CSNK1G1: variants seen among roughly 807,000 people sequenced by gnomAD.
The protein encoded by CSNK1G1 is casein kinase 1 gamma 1, also known as casein kinase I isoform gamma-1.
In CSNK1G1, 22 loss-of-function variants were observed where a neutral mutation model predicts 59.6. That is an observed-to-expected ratio of 0.37 (90% confidence interval 0.26 to 0.53). The LOEUF (loss-of-function observed/expected upper bound fraction) is 0.53, where lower values mean the gene tolerates loss of function less well. Among genes scored for constraint, CSNK1G1 ranks in the 20% least tolerant of loss-of-function variants. The pLI is 0.89. For missense variants in CSNK1G1, 384 were observed against 519.5 expected (o/e 0.74, Z 2.54); for synonymous variants, 179 against 177.1 (o/e 1.01, Z -0.08).
chr15:64,179,620 G>T (rs2081785058), intron 11 of CSNK1G1, among the ~76,000 whole-genome samples: 1 of 152,096 alleles, frequency 6.6e-6, no homozygotes, highest in African/African-American at 2.4e-5. Context: ...ATTTGGGATG[G>T]GGAAAAAAGT....
intron 1 of CSNK1G1, among the ~76,000 whole-genome samples, chr15:64,323,051 T>G (rs997862317): frequency 1.3e-5 from 2 of 151,964 alleles, no homozygotes; most frequent in Non-Finnish European, 2.9e-5. Context: ...GCCCCCTGAG[T>G]ACCTAGGACT....
chr15:64,233,441 A>G (rs2082574620), intron 4 of CSNK1G1, among the ~76,000 whole-genome samples: 1 of 152,134 alleles, frequency 6.6e-6, no homozygotes, highest in African/African-American at 2.4e-5. Context: ...CAATTACTCT[A>G]TGTGGCTCAG....
intron 1 of CSNK1G1, chr15:64,348,390 TA>T (rs1397895970): frequency 6.6e-6 from 1 of 152,106 alleles, no homozygotes; most frequent in East Asian, 1.9e-4. Flanking sequence ...ATGTTAATAA[TA>T]GGGGAAACTG....
At chr15:64,196,778 A>G (rs1184194909) in intron 10 of CSNK1G1, among the ~76,000 whole-genome samples, 2 of 151,190 alleles carry the variant, frequency 1.3e-5, no homozygotes. Context: ...TTGCTGCAAA[A>G]GACTGCTCTG....
At chr15:64,330,407 A>G (rs866117104) in intron 1 of CSNK1G1, among the ~76,000 whole-genome samples, 5 of 151,604 alleles carry the variant, frequency 3.3e-5, no homozygotes, top group Non-Finnish European at 4.4e-5. Flanking sequence ...GCATATAAAC[A>G]GAGCCAAAGA....
chr15:64,252,433 T>C (rs2140320044), intron 3 of CSNK1G1, among the ~76,000 whole-genome samples: 1 of 152,140 alleles, frequency 6.6e-6, no homozygotes, highest in South Asian at 2.1e-4. Flanking sequence ...TGGTCCCAAA[T>C]TCCTGGGCTC....
At chr15:64,212,426 A>T (rs1011352515) in intron 6 of CSNK1G1, among the ~76,000 whole-genome samples, 5 of 152,186 alleles carry the variant, frequency 3.3e-5, no homozygotes, top group Non-Finnish European at 7.3e-5. Flanking sequence ...ATACTTATTA[A>T]TGTGCAGGCC....
chr15:64,323,693 A>C (rs1896688337), intron 1 of CSNK1G1, among the ~76,000 whole-genome samples: 1 of 152,070 alleles, frequency 6.6e-6, no homozygotes, highest in Non-Finnish European at 1.5e-5. Flanking sequence ...AAACATATAA[A>C]CAATTTCACC....
intron 10 of CSNK1G1, chr15:64,181,900 C>T (rs2081818890): frequency 6.4e-6 from 1 of 155,182 alleles, no homozygotes; most frequent in African/African-American, 2.4e-5. Context: ...AGTTAATCCA[C>T]AAAAATTTCC....
At chr15:64,236,301 G>A (rs1007649640) in intron 4 of CSNK1G1, among the ~76,000 whole-genome samples, 3 of 152,080 alleles carry the variant, frequency 2.0e-5, no homozygotes, top group Non-Finnish European at 2.9e-5. Context: ...AAATGTAATT[G>A]CAAGGCTATC....
At chr15:64,219,147 A>G (rs1257612213) in intron 4 of CSNK1G1, among the ~76,000 whole-genome samples, 1 of 152,106 alleles carries the variant, frequency 6.6e-6, no homozygotes, top group Non-Finnish European at 1.5e-5. Context: ...GAGCCACCAC[A>G]CCAGGCCCCA....
At chr15:64,352,444 C>CTTTTTTTTTTTTTTTTTTTT (rs1566958692) in intron 1 of CSNK1G1, among the ~76,000 whole-genome samples, 1 of 79,922 alleles carries the variant, frequency 1.3e-5, no homozygotes, top group Admixed American at 1.6e-4. Context: ...AATTTGAATT[C>CTTTTTTTTTTTTTTTTTTTT]TTCTTTTTTT....
chr15:64,304,147 G>T (rs557864526), intron 1 of CSNK1G1, among the ~76,000 whole-genome samples: 1 of 152,096 alleles, frequency 6.6e-6, no homozygotes, highest in Admixed American at 6.5e-5. Context: ...CAGTACTTTG[G>T]GAGGCCGAGG....
chr15:64,342,770 C>G (rs1233637655), intron 1 of CSNK1G1: 1 of 152,190 alleles, frequency 6.6e-6, no homozygotes, highest in Non-Finnish European at 1.5e-5. Flanking sequence ...CACATCAAAT[C>G]TAATTTCCTC....
At chr15:64,268,816 G>A (rs1004285709) in intron 2 of CSNK1G1, among the ~76,000 whole-genome samples, 3 of 152,088 alleles carry the variant, frequency 2.0e-5, no homozygotes, top group African/African-American at 7.2e-5. Context: ...GGCAACCTGA[G>A]ACCCTGAACT....
chr15:64,355,825 G>A (rs921591301), intron 1 of CSNK1G1, among the ~76,000 whole-genome samples, 163 bp downstream of exon 1: 1 of 150,666 alleles, frequency 6.6e-6, no homozygotes, highest in East Asian at 1.9e-4. Flanking sequence ...CCTCCATTCC[G>A]CCCCCGCAAC....
chr15:64,306,258 G>A (rs1435938114), intron 1 of CSNK1G1, among the ~76,000 whole-genome samples: 1 of 152,146 alleles, frequency 6.6e-6, no homozygotes, highest in Non-Finnish European at 1.5e-5. Flanking sequence ...TTAGAGGCCT[G>A]TTATCTAAAA....
chr15:64,215,703 T>C (rs935385870), intron 5 of CSNK1G1, among the ~76,000 whole-genome samples: 2 of 152,224 alleles, frequency 1.3e-5, no homozygotes, highest in Admixed American at 6.5e-5. Flanking sequence ...AAAGGAACTG[T>C]TGGAACTGCT....
intron 1 of CSNK1G1, among the ~76,000 whole-genome samples, chr15:64,323,053 C>T (rs746373359): frequency 2.6e-5 from 4 of 151,852 alleles, no homozygotes; most frequent in African/African-American, 9.7e-5. Flanking sequence ...CCCCTGAGTA[C>T]CTAGGACTAC....
Sources: gnomAD v4.1 joint callset for allele counts (sites outside exome capture counted in the v4.1 genomes callset) on GRCh38, gnomAD v4.1.1 for gene constraint, MANE v1.5 for transcripts, NCBI Gene and HGNC (gene_info 2026-07-23, HGNC 2026-07-21) for gene names.